The following MAGI2 variants were observed in gnomAD, a reference collection of about 807,000 sequenced individuals.
MAGI2 encodes membrane associated guanylate kinase, WW and PDZ domain containing 2, also known as membrane-associated guanylate kinase, WW and PDZ domain-containing protein 2.
Under a neutral mutation model 133.3 loss-of-function variants are expected in MAGI2, and 35 were observed. That is an observed-to-expected ratio of 0.26 (90% CI 0.20 to 0.35). MAGI2 has a LOEUF of 0.35. MAGI2 is among the 10% of genes least tolerant of loss of function. The pLI, the probability that MAGI2 is intolerant of heterozygous loss-of-function variation, is 1.00. For synonymous variants in MAGI2, 729 were observed against 710.6 expected (o/e 1.03, Z -0.41); for missense variants, 1,636 against 1,863.4 (o/e 0.88, Z 2.25).
chr7:78,518,465 G>T (rs1796221027), intron 4 of MAGI2: 1 of 152,104 alleles, frequency 6.6e-6, no homozygotes, highest in South Asian at 2.1e-4. Flanking sequence ...AGTTAAGATA[G>T]TTAAATGAAC....
chr7:78,892,017 C>T (rs976827117), intron 2 of MAGI2, among the ~76,000 whole-genome samples: 5 of 152,166 alleles, frequency 3.3e-5, no homozygotes, highest in Admixed American at 6.5e-5. Flanking sequence ...AGCTGATAGG[C>T]AACTTCAGCA....
chr7:78,996,874 T>A (rs571728860), intron 2 of MAGI2, among the ~76,000 whole-genome samples: 7 of 152,288 alleles, frequency 4.6e-5, no homozygotes, highest in Admixed American at 1.3e-4. Context: ...AAATTAAAAG[T>A]CTAGCTAGGT....
intron 2 of MAGI2, among the ~76,000 whole-genome samples, chr7:78,835,243 T>A (rs1424453272): frequency 3.3e-5 from 5 of 152,326 alleles, no homozygotes; most frequent in Admixed American, 3.3e-4. Flanking sequence ...GAACATTTAT[T>A]ATTGTCTGTC....
In MAGI2 at chr7:78,019,028, C is replaced by T. The variant is rs1808013720; in HGVS notation, c.*287G>A. Reference sequence around the variant, plus strand: ...AATATTTTTTTTTCTTAAACTAAAGCTACACTGCACTGTCTCTCTGTGATG... The same window carrying T: ...AATATTTTTTTTTCTTAAACTAAAGTTACACTGCACTGTCTCTCTGTGATG... On this transcript the variant is annotated 3_prime_UTR_variant, in exon 22 of 22. Coordinates refer to ENST00000354212, the MANE Select transcript of MAGI2 (RefSeq NM_012301.4). 2 of 404,432 alleles carry T rather than the reference C, an allele frequency of 4.9e-6. No homozygotes were observed. The highest frequency in any genetic ancestry group is 8.7e-6 in the Non-Finnish European group (2 of 229,308). 25.1% of individuals were successfully genotyped at this position (404,432 alleles called of 1,614,324 possible).
At chr7:78,814,782 C>G (rs73369425) in intron 2 of MAGI2, among the ~76,000 whole-genome samples, 3,695 of 152,138 alleles carry the variant, frequency 0.024, 145 homozygotes, top group African/African-American at 0.084. Context: ...AAGTGCAGTG[C>G]TGCAATCATG....
At chr7:78,403,026 G>C (rs1274789488) in intron 6 of MAGI2, among the ~76,000 whole-genome samples, 2 of 151,962 alleles carry the variant, frequency 1.3e-5, no homozygotes, top group African/African-American at 4.8e-5. Flanking sequence ...TATACTTCAA[G>C]TCCTGGGATA....
intron 2 of MAGI2, among the ~76,000 whole-genome samples, chr7:78,977,888 A>G (rs1004001558): frequency 6.6e-6 from 1 of 151,862 alleles, no homozygotes; most frequent in African/African-American, 2.4e-5. Context: ...ACACCTAAAC[A>G]GATACATCAC....
chr7:78,855,820 G>C (rs1215638884), intron 2 of MAGI2, among the ~76,000 whole-genome samples: 2 of 152,178 alleles, frequency 1.3e-5, no homozygotes, highest in Non-Finnish European at 2.9e-5. Flanking sequence ...GATCCTTGAG[G>C]AATCGCCACA....
intron 1 of MAGI2, among the ~76,000 whole-genome samples, chr7:79,214,401 CTCTCTCTATATATATATATATATATA>C (rs1340309948): frequency 5.3e-5 from 3 of 56,086 alleles, no homozygotes; most frequent in African/African-American, 2.5e-4. Context: ...CTCTCTCTCT[CTCTCTCTATATATATATATATATATA>C]TATATATATA....
chr7:78,999,879 A>C (rs1806682238), intron 2 of MAGI2, among the ~76,000 whole-genome samples: 1 of 152,218 alleles, frequency 6.6e-6, no homozygotes, highest in African/African-American at 2.4e-5. Flanking sequence ...TTAGTCTATA[A>C]ATATCAAATT....
chr7:78,871,032 C>T (rs901809886), intron 2 of MAGI2, among the ~76,000 whole-genome samples: 8 of 152,060 alleles, frequency 5.3e-5, no homozygotes, highest in Admixed American at 1.3e-4. Flanking sequence ...TCTAATGGGC[C>T]GGGAGCAGTG....
chr7:78,729,851 A>G (rs1392971564), intron 2 of MAGI2, among the ~76,000 whole-genome samples: 7 of 152,210 alleles, frequency 4.6e-5, no homozygotes, highest in Non-Finnish European at 5.9e-5. Flanking sequence ...CTACCTCACA[A>G]TTACTTATCA....
chr7:78,328,136 T>G (rs1044089938), intron 9 of MAGI2, among the ~76,000 whole-genome samples: 1 of 152,152 alleles, frequency 6.6e-6, no homozygotes, highest in Non-Finnish European at 1.5e-5. Flanking sequence ...AAATGTCTCC[T>G]TTTCTTAGAA....
At chr7:78,405,389 C>G (rs574604489) in intron 6 of MAGI2, among the ~76,000 whole-genome samples, 1 of 152,206 alleles carries the variant, frequency 6.6e-6, no homozygotes, top group South Asian at 2.1e-4. Flanking sequence ...AGTGTCCTGT[C>G]TTTTGACCAC....
At chr7:79,019,534 T>C (rs1036266589) in intron 1 of MAGI2, among the ~76,000 whole-genome samples, 4 of 152,074 alleles carry the variant, frequency 2.6e-5, no homozygotes, top group African/African-American at 9.7e-5. Flanking sequence ...ATTTCTTTTT[T>C]CTGTTTTTCT....
At chr7:79,151,952 C>T (rs574105639) in intron 1 of MAGI2, among the ~76,000 whole-genome samples, 1 of 152,146 alleles carries the variant, frequency 6.6e-6, no homozygotes, top group Admixed American at 6.5e-5. Context: ...CAAAACCTGT[C>T]CTCATTTTGA....
chr7:78,197,153 G>A (rs990494305), intron 11 of MAGI2, among the ~76,000 whole-genome samples: 1 of 152,196 alleles, frequency 6.6e-6, no homozygotes, highest in African/African-American at 2.4e-5. Context: ...CATACAGAAA[G>A]CTATTCTGGG....
intron 3 of MAGI2, among the ~76,000 whole-genome samples, chr7:78,588,511 A>G (rs1357613102): frequency 6.6e-6 from 1 of 152,174 alleles, no homozygotes; most frequent in East Asian, 1.9e-4. Flanking sequence ...CAACCTTCCG[A>G]GAGTGAAGGC....
chr7:78,844,426 G>A (rs1276016464), intron 2 of MAGI2, among the ~76,000 whole-genome samples: 1 of 151,774 alleles, frequency 6.6e-6, no homozygotes, highest in Non-Finnish European at 1.5e-5. Flanking sequence ...GCTAATGAAT[G>A]GATACACAAA....
Sources: allele counts gnomAD v4.1 joint callset (sites outside exome capture counted in the v4.1 genomes callset), GRCh38; gene constraint gnomAD v4.1.1; transcripts MANE v1.5; gene names NCBI Gene and HGNC (gene_info 2026-07-23, HGNC 2026-07-21).